SAMMSON: variants seen among roughly 807,000 people sequenced by gnomAD.
SAMMSON encodes the protein survival associated mitochondrial melanoma specific oncogenic non-coding RNA.
chr3:70,015,319 A>T (rs914744194), intron 3 of SAMMSON: 12 of 151,992 alleles, frequency 7.9e-5, no homozygotes, highest in Admixed American at 6.6e-4. Flanking sequence ...ACAAAAAAAA[A>T]CCATCTTGGG....
At chr3:70,326,065 C>T (rs1010920426) in intron 7 of SAMMSON, among the ~76,000 whole-genome samples, 2 of 152,130 alleles carry the variant, frequency 1.3e-5, no homozygotes, top group Admixed American at 6.6e-5. Flanking sequence ...ATCTTGAGAT[C>T]GGCATAACTG....
At chr3:70,142,766 G>A (rs2067533087) in intron 4 of SAMMSON, among the ~76,000 whole-genome samples, 1 of 152,140 alleles carries the variant, frequency 6.6e-6, no homozygotes, top group South Asian at 2.1e-4. Context: ...TCTGTTGTGT[G>A]GGAAGCACTA....
chr3:70,182,572 C>CA (rs917516451), intron 4 of SAMMSON, among the ~76,000 whole-genome samples: 22 of 152,156 alleles, frequency 1.4e-4, no homozygotes, highest in African/African-American at 4.8e-4. Context: ...CATTTTCCCC[C>CA]TCCGAAGACG....
chr3:70,171,616 G>T (rs371515305), intron 4 of SAMMSON, among the ~76,000 whole-genome samples: 515 of 36,532 alleles, frequency 0.014, 1 homozygote, highest in African/African-American at 0.039. Context: ...CACAGTCTTT[G>T]GGGGGGGGAG....
At chr3:70,206,582 G>C in intron 4 of SAMMSON, 1 of 397,730 alleles carries the variant, frequency 2.5e-6, no homozygotes, top group Admixed American at 4.4e-5. Context: ...CAGTGTCTCT[G>C]TGATGAACTG....
intron 1 of SAMMSON, chr3:69,999,947 C>G (rs970528663): frequency 6.6e-6 from 1 of 152,260 alleles, no homozygotes; most frequent in African/African-American, 2.4e-5. Flanking sequence ...CCTCCCTTCT[C>G]GCTCCCCCAT....
chr3:70,046,810 G>A (rs1432950187), intron 3 of SAMMSON, among the ~76,000 whole-genome samples: 1 of 152,068 alleles, frequency 6.6e-6, no homozygotes, highest in African/African-American at 2.4e-5. Context: ...GCTTCTAGAA[G>A]TGGCCCACAT....
intron 4 of SAMMSON, among the ~76,000 whole-genome samples, chr3:70,074,499 ATATG>A (rs2067241385): frequency 6.6e-6 from 1 of 152,140 alleles, no homozygotes; most frequent in Non-Finnish European, 1.5e-5. Flanking sequence ...GCAGGTGTGA[ATATG>A]TATTTATATA....
chr3:70,074,740 T>C (rs2106638607), intron 4 of SAMMSON, among the ~76,000 whole-genome samples: 1 of 152,132 alleles, frequency 6.6e-6, no homozygotes, highest in South Asian at 2.1e-4. Context: ...AGTGTGCATG[T>C]CCCCCACCTC....
intron 4 of SAMMSON, among the ~76,000 whole-genome samples, chr3:70,143,500 A>G (rs1431819949): frequency 6.6e-6 from 1 of 152,012 alleles, no homozygotes; most frequent in African/African-American, 2.4e-5. Context: ...CACCCTGCCA[A>G]TCTACTCTCT....
chr3:70,369,262 T>C (rs1702945606), intron 9 of SAMMSON, among the ~76,000 whole-genome samples: 1 of 151,728 alleles, frequency 6.6e-6, no homozygotes, highest in Admixed American at 6.6e-5. Flanking sequence ...CAGAACTGTT[T>C]TGGTGGAATC....
intron 2 of SAMMSON, among the ~76,000 whole-genome samples, chr3:70,402,123 T>A (rs9854921): frequency 6.6e-6 from 1 of 152,228 alleles, no homozygotes; most frequent in Non-Finnish European, 1.5e-5. Flanking sequence ...AGAGTTAAAA[T>A]GTATATTGAC....
chr3:70,282,584 T>A (rs997283919), intron 6 of SAMMSON, among the ~76,000 whole-genome samples: 1 of 152,196 alleles, frequency 6.6e-6, no homozygotes, highest in African/African-American at 2.4e-5. Context: ...TCAGGAACTT[T>A]GCACTTGCTA....
intron 3 of SAMMSON, among the ~76,000 whole-genome samples, chr3:70,022,218 A>G (rs779870601): frequency 1.4e-5 from 2 of 146,466 alleles, no homozygotes; most frequent in Non-Finnish European, 3.0e-5. Flanking sequence ...TGACAACGTG[A>G]TATTCCAACT....
chr3:70,119,996 T>A (rs1029023886), intron 4 of SAMMSON: 54 of 152,298 alleles, frequency 3.5e-4, no homozygotes, highest in African/African-American at 1.3e-3. Flanking sequence ...AGGTCTTTGA[T>A]AAATACCACA....
chr3:70,061,120 G>T (rs369553111), intron 3 of SAMMSON, among the ~76,000 whole-genome samples: 2 of 152,114 alleles, frequency 1.3e-5, no homozygotes, highest in East Asian at 3.9e-4. Context: ...CCATTCCAAA[G>T]GTGGTAGCTT....
chr3:70,274,056 C>CGT (rs111792704), intron 6 of SAMMSON, among the ~76,000 whole-genome samples: 68,748 of 142,644 alleles, frequency 0.48, 16,370 homozygotes, highest in Admixed American at 0.51. Context: ...ATTAAACCTC[C>CGT]GTGTGTGTGT....
chr3:70,345,869 C>G (rs1702746883), intron 7 of SAMMSON, among the ~76,000 whole-genome samples: 1 of 152,152 alleles, frequency 6.6e-6, no homozygotes, highest in Non-Finnish European at 1.5e-5. Flanking sequence ...GCTTGTACCA[C>G]AGTTTGATTA....
intron 7 of SAMMSON, among the ~76,000 whole-genome samples, chr3:70,316,897 A>G (rs1383003314): frequency 1.3e-5 from 2 of 152,084 alleles, no homozygotes; most frequent in Non-Finnish European, 2.9e-5. Context: ...TATCTTGACC[A>G]AATTATTTTT....
Sources: gnomAD v4.1 joint callset for allele counts (sites outside exome capture counted in the v4.1 genomes callset) on GRCh38, gnomAD v4.1.1 for gene constraint, MANE v1.5 for transcripts, NCBI Gene and HGNC (gene_info 2026-07-23, HGNC 2026-07-21) for gene names.